Variants in CA10 observed in about 807,000 individuals in gnomAD.
The protein encoded by CA10 is carbonic anhydrase 10 (inactive), also known as carbonic anhydrase-related protein 10.
A neutral mutation model predicts 44.2 loss-of-function variants in CA10; 14 were observed. The observed-to-expected ratio is 0.32, with a 90% confidence interval of 0.21 to 0.50. CA10 has a LOEUF of 0.50. Ranked by LOEUF, CA10 falls within the 20% of genes least tolerant of loss-of-function variation. The probability of loss-of-function intolerance (pLI) is 0.99; values close to 1 mark genes in which losing one functional copy is unlikely to be tolerated. For synonymous variants in CA10, 159 were observed against 141.6 expected (o/e 1.12, Z -0.87); for missense variants, 350 against 409.7 (o/e 0.85, Z 1.26).
chr17:51,732,058 G>A (rs1420528763), intron 4 of CA10, among the ~76,000 whole-genome samples: 2 of 152,164 alleles, frequency 1.3e-5, no homozygotes, highest in African/African-American at 2.4e-5. Context: ...TCTCACTCAG[G>A]AAGAGCCTAG....
intron 3 of CA10, among the ~76,000 whole-genome samples, chr17:51,769,345 AAG>A (rs1905508273): frequency 6.6e-6 from 1 of 152,158 alleles, no homozygotes; most frequent in Admixed American, 6.5e-5. Flanking sequence ...ACAAAGATAA[AAG>A]AGAGACTCAT....
At chr17:51,817,312 T>C (rs1907599240) in intron 3 of CA10, among the ~76,000 whole-genome samples, 1 of 152,230 alleles carries the variant, frequency 6.6e-6, no homozygotes, top group Non-Finnish European at 1.5e-5. Context: ...TGTCTGTGCC[T>C]GCTTTCATAG....
At chr17:52,068,550 C>T (rs1469806523) in intron 2 of CA10, among the ~76,000 whole-genome samples, 3 of 152,216 alleles carry the variant, frequency 2.0e-5, no homozygotes, top group Non-Finnish European at 4.4e-5. Flanking sequence ...CCAGTTCTAA[C>T]TTCCTTTCTT....
intron 2 of CA10, among the ~76,000 whole-genome samples, chr17:52,003,000 A>G (rs1284651395): frequency 2.0e-5 from 3 of 151,922 alleles, no homozygotes; most frequent in Non-Finnish European, 4.4e-5. Context: ...CTACCTTCAG[A>G]AATAAGGAGA....
intron 2 of CA10, among the ~76,000 whole-genome samples, chr17:52,009,290 T>C (rs1014890591): frequency 1.3e-5 from 2 of 151,968 alleles, no homozygotes; most frequent in Non-Finnish European, 2.9e-5. Context: ...CTGTAAACCC[T>C]CTAAGACCAG....
At chr17:51,896,285 C>T (rs999779633) in intron 3 of CA10, among the ~76,000 whole-genome samples, 1 of 146,236 alleles carries the variant, frequency 6.8e-6, no homozygotes, top group Non-Finnish European at 1.5e-5. Context: ...TTGTTCCCTT[C>T]TTTGTGTCCA....
chr17:52,088,887 A>G (rs1289421635), intron 1 of CA10, among the ~76,000 whole-genome samples: 1 of 152,236 alleles, frequency 6.6e-6, no homozygotes, highest in Admixed American at 6.5e-5. Flanking sequence ...CAGAAAAGAA[A>G]AAATTACCAA....
Position 52,158,426 on chromosome 17 carries a change from CAGG to C in CA10, c.-643_-641del. ...CAGCAGACACACAGAGAAAGAGAGG[CAGG>C]GATTATTGCCCGAAACCGCCAGCCG... On this transcript the variant is annotated 5_prime_UTR_variant, in exon 1 of 9. Coordinates refer to ENST00000451037, the MANE Select transcript of CA10 (RefSeq NM_020178.5). 1.3e-5 allele frequency: 2 copies of C among 158,714 alleles called. No homozygotes were observed. Among genetic ancestry groups the C allele is most frequent in the Admixed American group, 6.3e-5 (1 of 15,808 alleles). The allele number at this position is 158,714 out of a possible 1,614,324, so 9.8% of individuals were successfully genotyped here. A position where few individuals can be genotyped will look rare whatever the true frequency, so the allele number is the denominator to read the frequency against.
At chr17:52,118,725 A>C (rs1339868134) in intron 1 of CA10, among the ~76,000 whole-genome samples, 1 of 152,146 alleles carries the variant, frequency 6.6e-6, no homozygotes, top group East Asian at 1.9e-4. Flanking sequence ...GCTATCAATC[A>C]TGATTAAGGT....
upstream of CA10, among the ~76,000 whole-genome samples, chr17:52,158,989 C>T (rs553207588): frequency 5.1e-3 from 784 of 152,266 alleles, 4 homozygotes; most frequent in Non-Finnish European, 8.9e-3. Flanking sequence ...GCCGCCGCCT[C>T]GGCCCCAGTC....
At chr17:51,681,361 T>C (rs1262831638) in intron 4 of CA10, among the ~76,000 whole-genome samples, 1 of 152,214 alleles carries the variant, frequency 6.6e-6, no homozygotes, top group East Asian at 1.9e-4. Context: ...TCAGTGCTGC[T>C]GTTGGCATCA....
chr17:51,896,342 A>G (rs1249695213), intron 3 of CA10, among the ~76,000 whole-genome samples: 1 of 151,980 alleles, frequency 6.6e-6, no homozygotes, highest in African/African-American at 2.4e-5. Flanking sequence ...AACATGTGGT[A>G]TTTCGTTTTC....
chr17:51,801,300 C>T (rs991833839), intron 3 of CA10, among the ~76,000 whole-genome samples: 3 of 152,124 alleles, frequency 2.0e-5, no homozygotes, highest in African/African-American at 7.2e-5. Context: ...GAAAGGTCCA[C>T]CCATCCAACT....
chr17:52,082,145 A>C, intron 1 of CA10, among the ~76,000 whole-genome samples: 1 of 152,226 alleles, frequency 6.6e-6, no homozygotes, highest in East Asian at 1.9e-4. Context: ...GTGTTTGACA[A>C]ATATTTGCTT....
intron 4 of CA10, among the ~76,000 whole-genome samples, chr17:51,747,015 C>A (rs887202018): frequency 9.8e-5 from 15 of 152,308 alleles, no homozygotes; most frequent in African/African-American, 3.4e-4. Context: ...CTACACCCTA[C>A]TTGTGAAGTG....
intron 2 of CA10, among the ~76,000 whole-genome samples, chr17:52,006,900 T>C (rs1027937420): frequency 7.2e-5 from 11 of 151,812 alleles, no homozygotes; most frequent in Non-Finnish European, 1.6e-4. Context: ...TCGTGCACAT[T>C]GTGATTCTTT....
At chr17:51,973,268 G>A (rs1384647039) in intron 2 of CA10, among the ~76,000 whole-genome samples, 1 of 152,250 alleles carries the variant, frequency 6.6e-6, no homozygotes, top group Non-Finnish European at 1.5e-5. Flanking sequence ...CACATTTCGA[G>A]TCTTGACATA....
chr17:52,007,952 CT>C (rs1985657487), intron 2 of CA10, among the ~76,000 whole-genome samples: 2 of 151,676 alleles, frequency 1.3e-5, no homozygotes, highest in African/African-American at 4.8e-5. Flanking sequence ...CTATCCATCT[CT>C]TAATATTTTA....
chr17:51,988,431 G>C (rs951222826), intron 2 of CA10, among the ~76,000 whole-genome samples: 2 of 151,936 alleles, frequency 1.3e-5, no homozygotes, highest in Admixed American at 1.3e-4. Context: ...AGGTTAAAAA[G>C]TACATTTAAA....
Sources: gnomAD v4.1 joint callset for allele counts (sites outside exome capture counted in the v4.1 genomes callset) on GRCh38, gnomAD v4.1.1 for gene constraint, MANE v1.5 for transcripts, NCBI Gene and HGNC (gene_info 2026-07-23, HGNC 2026-07-21) for gene names.